The following FAXDC2 variants were observed in gnomAD, a reference collection of about 807,000 sequenced individuals.
The protein encoded by FAXDC2 is fatty acid hydroxylase domain-containing protein 2.
A neutral mutation model predicts 40.9 loss-of-function variants in FAXDC2; 41 were observed. That is an observed-to-expected ratio of 1.00 (90% CI 0.78 to 1.30). The LOEUF is 1.30. Among genes scored for constraint, FAXDC2 ranks in the 50% most tolerant of loss-of-function variants. The pLI, the probability that FAXDC2 is intolerant of heterozygous loss-of-function variation, is 0.00. For synonymous variants in FAXDC2, 157 were observed against 149.3 expected, an observed-to-expected ratio of 1.05 and a Z score of -0.38; for missense variants, 390 against 408.8, an observed-to-expected ratio of 0.95 and a Z score of 0.40.
intron 1 of FAXDC2, among the ~76,000 whole-genome samples, chr5:154,842,888 C>CT (rs2113167071): frequency 6.6e-6 from 1 of 151,182 alleles, no homozygotes; most frequent in South Asian, 2.1e-4. Flanking sequence ...AGGCTGGTCT[C>CT]TAACTCCTGG....
At chr5:154,831,578 T>C (rs1246559090) in intron 4 of FAXDC2, among the ~76,000 whole-genome samples, 7 of 152,150 alleles carry the variant, frequency 4.6e-5, no homozygotes, top group African/African-American at 1.4e-4. Flanking sequence ...GCCTCCTGAA[T>C]AGTTGGGGCT....
chr5:154,823,515 G>A lies in FAXDC2; in HGVS notation c.444C>T (p.Val148=). 4.3e-6 allele frequency: 7 copies of A among 1,614,222 alleles called. No homozygotes were observed. Among genetic ancestry groups the A allele is most frequent in the Non-Finnish European group, 5.9e-6 (7 of 1,180,028 alleles). Residue 148 remains valine, a synonymous_variant, in exon 6 of 9, where the codon GTC becomes GTT. Transcript: ENST00000326080. ...NQCMISFPMV[V]FLYPFLKWWR... The stretch of plus-strand genomic sequence containing the variant: ...ACCATTTGAGGAAGGGATAGAGGAA[G>A]ACCACCATGGGGAAAGATATCATGC...
At chr5:154,828,379 GAA>G (rs1013893566) in intron 5 of FAXDC2, among the ~76,000 whole-genome samples, 8 of 151,964 alleles carry the variant, frequency 5.3e-5, no homozygotes, top group African/African-American at 1.5e-4. Context: ...AATAATGAGA[GAA>G]AGAGAAGGAA....
intron 5 of FAXDC2, chr5:154,824,056 C>T (rs1004460046): frequency 4.4e-6 from 1 of 227,762 alleles, no homozygotes; most frequent in South Asian, 8.0e-5. Flanking sequence ...CTCAAGTGGT[C>T]CAGCCTCCCT....
At chr5:154,842,364 AT>A (rs1202093260) in intron 1 of FAXDC2, among the ~76,000 whole-genome samples, 11 of 136,870 alleles carry the variant, frequency 8.0e-5, no homozygotes, top group African/African-American at 3.0e-4. Flanking sequence ...TGCCCGGCTA[AT>A]TTTTTTGTAT....
At chr5:154,841,557 G>T (rs949874470) in intron 1 of FAXDC2, among the ~76,000 whole-genome samples, 2 of 152,038 alleles carry the variant, frequency 1.3e-5, no homozygotes, top group Non-Finnish European at 1.5e-5. Flanking sequence ...TTAATAAATT[G>T]GGCTTATGAA....
intron 2 of FAXDC2, 153 bp from the exon 3 acceptor site, chr5:154,835,087 G>C (rs1582532394): frequency 1.6e-6 from 1 of 612,026 alleles, no homozygotes; most frequent in Non-Finnish European, 2.9e-6. Context: ...TCCAGCTTCT[G>C]TGGGAGCCTC....
intron 1 of FAXDC2, among the ~76,000 whole-genome samples, chr5:154,839,429 G>A (rs1221098623): frequency 6.6e-6 from 1 of 151,684 alleles, no homozygotes; most frequent in Non-Finnish European, 1.5e-5. Flanking sequence ...GATCATTTGA[G>A]TCCTGGAGTT....
chr5:154,848,061 G>A (rs1234988747), intron 1 of FAXDC2, among the ~76,000 whole-genome samples: 1 of 151,890 alleles, frequency 6.6e-6, no homozygotes, highest in Non-Finnish European at 1.5e-5. Flanking sequence ...GGATGGTCTT[G>A]ATCTTCTGAC....
chr5:154,840,501 G>A (rs1038761954), intron 1 of FAXDC2, among the ~76,000 whole-genome samples: 1 of 152,096 alleles, frequency 6.6e-6, no homozygotes, highest in African/African-American at 2.4e-5. Context: ...TGGGACTACA[G>A]GTGTACACCA....
rs777934700 is a variant in FAXDC2 at position 154,820,447 on chromosome 5, C to G, written c.871G>C (p.Gly291Arg). Residue 291 changes from glycine (G) to arginine (R), a missense_variant, in exon 9 of 9, where the codon GGT (glycine) becomes CGT (arginine). By Grantham distance (125) the Gly-to-Arg change is moderately radical. Transcript: ENST00000326080. ...LKFNQCYGVL[G>R]VLDHLHGTDT... ...GTCCCATGGAGGTGGTCCAGCACACCCAGCACCCCATAGCACTGGTTGAAC... is the reference window on the plus strand; with the variant it reads ...GTCCCATGGAGGTGGTCCAGCACACGCAGCACCCCATAGCACTGGTTGAAC... 1.2e-6 allele frequency: 2 copies of G among 1,612,802 alleles called. No individual in the cohort carries two copies. The highest frequency in any genetic ancestry group is 1.7e-6 in the Non-Finnish European group (2 of 1,179,494).
At chr5:154,827,071 G>A (rs1292514649) in intron 5 of FAXDC2, among the ~76,000 whole-genome samples, 2 of 152,090 alleles carry the variant, frequency 1.3e-5, no homozygotes, top group African/African-American at 4.8e-5. Context: ...TGGGGAGTCC[G>A]AGGCTAGTGG....
rs748240055 is a variant in FAXDC2 at position 154,830,826 on chromosome 5, C to T, written c.341G>A (p.Arg114Gln). 5.0e-6 allele frequency: 8 copies of T among 1,613,964 alleles called. No homozygotes were observed. In the East Asian group the frequency reaches 6.7e-5, roughly 13 times the overall value. The change falls in exon 5 of 9, where the codon CGA becomes CAA. Residue 114 changes from arginine (R) to glutamine (Q), a missense_variant. Arg to Gln is a conservative substitution (Grantham distance 43). Transcript: ENST00000326080. ...TGKPNFISRY[R>Q]IQVGKNEPVD... The stretch of plus-strand genomic sequence containing the variant: ...AGGTTCATTCTTGCCGACCTGAATT[C>T]GGTAGCGAGAGATGAAGTTAGGTTT...
At chr5:154,829,760 T>G (rs1760142802) in intron 5 of FAXDC2, among the ~76,000 whole-genome samples, 1 of 152,214 alleles carries the variant, frequency 6.6e-6, no homozygotes, top group Admixed American at 6.5e-5. Flanking sequence ...TGGCCTCAGT[T>G]GAAGATGTGA....
At chr5:154,843,998 C>T (rs1156842903) in intron 1 of FAXDC2, among the ~76,000 whole-genome samples, 8 of 152,012 alleles carry the variant, frequency 5.3e-5, no homozygotes, top group South Asian at 2.1e-4. Flanking sequence ...GTGGGTGGAT[C>T]GTTTGAGGTC....
intron 1 of FAXDC2, among the ~76,000 whole-genome samples, chr5:154,842,839 T>TAAAA (rs368265291): frequency 6.7e-6 from 1 of 149,566 alleles, no homozygotes; most frequent in African/African-American, 2.5e-5. Flanking sequence ...CCTTTTTTTT[T>TAAAA]AAAAAAAAAT....
Position 154,828,084 on chromosome 5 carries a change from AAGTGATCCTCCTGCCTC to A in FAXDC2, c.366+2700_366+2716del, listed in dbSNP as rs1760089837. Among the ~76,000 whole-genome samples, 3 of 151,866 alleles carry A rather than the reference AAGTGATCCTCCTGCCTC, an allele frequency of 2.0e-5. No individual in the cohort carries two copies. The South Asian group carries it at 6.2e-4, about 31-fold the overall frequency. ...GGGCTGGTCTCGAACTCCTGGGCTC[AAGTGATCCTCCTGCCTC>A]AGACTGCCAAAGTCTGGGATTACAG... On this transcript the variant is annotated intron_variant, in intron 5 of 8. Coordinates refer to ENST00000326080, the MANE Select transcript of FAXDC2 (RefSeq NM_032385.5).
At position 154,818,857 on chromosome 5, in the gene FAXDC2, T is replaced by TA. The variant is rs1227418874; in HGVS notation, c.*1458dup. On this transcript the variant is annotated 3_prime_UTR_variant, in exon 9 of 9. Transcript: ENST00000326080. ...GAGTGCAGGCCAGCAGCTGAGAACT[T>TA]ACAGCTTTGATGCACCAGGAACTGT... The TA allele has an allele frequency of 7.9e-5, 12 of 152,232 alleles. No individual in the cohort carries two copies. The highest frequency in any genetic ancestry group is 2.9e-4 in the African/African-American group (12 of 41,460). The allele number at this position is 152,232 out of a possible 1,614,324, so 9.4% of individuals were successfully genotyped here.
Position 154,825,095 on chromosome 5 carries a change from T to G in FAXDC2, c.367-1503A>C, listed in dbSNP as rs993506400. ...AAAAAAAAAAAAGGGCCAGTCGCTG[T>G]GGCTTACGCCTGTAATCCCAGCACT... On this transcript the variant is annotated intron_variant, in intron 5 of 8. Coordinates refer to ENST00000326080, the MANE Select transcript of FAXDC2 (RefSeq NM_032385.5). Among the ~76,000 whole-genome samples, 13 of 148,970 alleles carry G rather than the reference T, an allele frequency of 8.7e-5. No individual in the cohort carries two copies. In the East Asian group the frequency reaches 1.2e-3, roughly 14 times the overall value.
Sources: allele counts gnomAD v4.1 joint callset (sites outside exome capture counted in the v4.1 genomes callset), GRCh38; gene constraint gnomAD v4.1.1; transcripts MANE v1.5; gene names NCBI Gene and HGNC (gene_info 2026-07-23, HGNC 2026-07-21).